Variants in PECAM1 observed in about 807,000 individuals in gnomAD.
PECAM1 encodes platelet endothelial cell adhesion molecule.
A neutral mutation model predicts 13.8 loss-of-function variants in PECAM1; 8 were observed. The ratio of observed to expected loss-of-function variants is 0.58; its 90% CI spans 0.34 to 1.05. PECAM1 has a LOEUF of 1.05. Ranked by LOEUF, PECAM1 falls within the 50% of genes least tolerant of loss-of-function variation. The pLI, the probability that PECAM1 is intolerant of heterozygous loss-of-function variation, is 0.03. For missense variants in PECAM1, 304 were observed against 141.2 expected (o/e 2.15, Z -5.84); for synonymous variants, 136 against 52.6 (o/e 2.58, Z -6.86).
chr17:64,336,706 G>A (rs1160566935), intron 14 of PECAM1, among the ~76,000 whole-genome samples: 2 of 151,854 alleles, frequency 1.3e-5, no homozygotes, highest in Non-Finnish European at 2.9e-5. Context: ...GCAACATGGC[G>A]AATTAGCTGG....
intron 4 of PECAM1, among the ~76,000 whole-genome samples, chr17:64,371,014 T>C (rs983210980): frequency 6.6e-6 from 1 of 152,196 alleles, no homozygotes; most frequent in Non-Finnish European, 1.5e-5. Context: ...AGGCATCCTT[T>C]ACATGCTTTA....
intron 7 of PECAM1, among the ~76,000 whole-genome samples, chr17:64,357,344 C>G (rs2035869141): frequency 6.6e-6 from 1 of 150,752 alleles, no homozygotes; most frequent in Non-Finnish European, 1.5e-5. Context: ...TCCTGAACTC[C>G]AAGTCTCCCT....
rs917378194 is a variant in PECAM1 at position 64,322,186 on chromosome 17, G to A, written c.*1630C>T. Reference sequence around the variant, plus strand: ...AGATCACCAAAGGTCAGGCATTCGAGATCAGCCTGGCCAACGTGGTGAAAC... The same window carrying A: ...AGATCACCAAAGGTCAGGCATTCGAAATCAGCCTGGCCAACGTGGTGAAAC... On this transcript the variant is annotated 3_prime_UTR_variant, in exon 16 of 16. Coordinates refer to ENST00000563924, the MANE Select transcript of PECAM1 (RefSeq NM_000442.5). 14 of 654,774 alleles carry A rather than the reference G, an allele frequency of 2.1e-5. No individual in the cohort carries two copies. The highest frequency in any genetic ancestry group is 2.7e-5 in the Non-Finnish European group (14 of 522,782). The allele number at this position is 654,774 out of a possible 1,614,324, so 40.6% of individuals were successfully genotyped here. A position where few individuals can be genotyped will look rare whatever the true frequency, so the allele number is the denominator to read the frequency against.
intron 6 of PECAM1, among the ~76,000 whole-genome samples, chr17:64,362,651 C>CAAAA (rs1269530817): frequency 2.2e-4 from 32 of 145,398 alleles, no homozygotes; most frequent in Admixed American, 1.1e-3. Context: ...GACTGCATCT[C>CAAAA]AAAAAAATAA....
intron 14 of PECAM1, among the ~76,000 whole-genome samples, chr17:64,332,351 G>A (rs2035146434): frequency 2.4e-5 from 3 of 122,536 alleles, no homozygotes; most frequent in South Asian, 6.1e-4. Context: ...AGTCCCCTAA[G>A]GGCTCTGGAA....
chr17:64,325,594 A>C (rs2034931819), intron 15 of PECAM1, among the ~76,000 whole-genome samples: 2 of 151,982 alleles, frequency 1.3e-5, no homozygotes, highest in Non-Finnish European at 2.9e-5. Flanking sequence ...AGAATTAGGC[A>C]TACATGGTGG....
At chr17:64,362,956 CA>C (rs1250373674) in intron 6 of PECAM1, among the ~76,000 whole-genome samples, 192 bp downstream of exon 6, 15 of 152,184 alleles carry the variant, frequency 9.9e-5, no homozygotes, top group African/African-American at 3.6e-4. Flanking sequence ...TCAGAGGCCA[CA>C]TCATCATCAG....
In PECAM1 at chr17:64,378,107, G is replaced by T. The variant is rs200425210; in HGVS notation, c.102C>A (p.Ile34=). 1.9e-5 allele frequency: 9 copies of T among 475,028 alleles called. No individual in the cohort carries two copies. The East Asian group carries it at 2.8e-4, about 15-fold the overall frequency. 29.4% of individuals were successfully genotyped at this position (475,028 alleles called of 1,614,324 possible). A position where few individuals can be genotyped will look rare whatever the true frequency, so the allele number is the denominator to read the frequency against. The change falls in exon 3 of 16, where the codon ATC becomes ATA. Residue 34 remains isoleucine (I), a synonymous_variant. Coordinates refer to ENST00000563924, the MANE Select transcript of PECAM1 (RefSeq NM_000442.5). ...GCAGGCTCTTCATGTCAACACTGTT[G>T]ATTGTGAAAGCTAAATGCAAAGGGA... The part of the protein sequence containing the change: ...SLEGQENSFT[I]NSVDMKSLPD...
chr17:64,352,890 T>C (rs2035760621), intron 10 of PECAM1, among the ~76,000 whole-genome samples: 1 of 152,132 alleles, frequency 6.6e-6, no homozygotes. Context: ...CCTCAGGTGA[T>C]CTGCCTGCCT....
intron 14 of PECAM1, among the ~76,000 whole-genome samples, chr17:64,331,721 C>T (rs2035126210): frequency 6.6e-6 from 1 of 152,206 alleles, no homozygotes; most frequent in Non-Finnish European, 1.5e-5. Flanking sequence ...GGACCAGGAC[C>T]CCACCCAATG....
At chr17:64,349,587 C>CAAAAAAAAAAAAAAAAAAAAAAAAAAA in intron 12 of PECAM1, among the ~76,000 whole-genome samples, 1 of 64,154 alleles carries the variant, frequency 1.6e-5, no homozygotes. Flanking sequence ...GACTCTGTAT[C>CAAAAAAAAAAAAAAAAAAAAAAAAAAA]AAAAAAAAAA....
At chr17:64,385,987 G>A (rs1249633880) in intron 2 of PECAM1, among the ~76,000 whole-genome samples, 3 of 152,232 alleles carry the variant, frequency 2.0e-5, no homozygotes, top group African/African-American at 7.2e-5. Flanking sequence ...GGAGGGGTGT[G>A]ACAGCACCCA....
At chr17:64,337,333 G>A (rs1210706840) in intron 14 of PECAM1, among the ~76,000 whole-genome samples, 1 of 152,192 alleles carries the variant, frequency 6.6e-6, no homozygotes, top group Non-Finnish European at 1.5e-5. Flanking sequence ...TGGTCTCGGA[G>A]TCAGGGGACT....
intron 15 of PECAM1, among the ~76,000 whole-genome samples, chr17:64,324,734 G>A (rs1207976924): frequency 5.9e-5 from 9 of 152,174 alleles, no homozygotes; most frequent in Admixed American, 5.9e-4. Context: ...TTTCAACACA[G>A]GAAAACCTTG....
At chr17:64,345,733 A>T (rs1486573454) in intron 13 of PECAM1, among the ~76,000 whole-genome samples, 2 of 145,752 alleles carry the variant, frequency 1.4e-5, no homozygotes, top group East Asian at 3.9e-4. Context: ...AAAAAAAAAA[A>T]TGAGGAAGAG....
chr17:64,349,075 A>C (rs1001726483), intron 12 of PECAM1, among the ~76,000 whole-genome samples: 1 of 152,170 alleles, frequency 6.6e-6, no homozygotes, highest in Non-Finnish European at 1.5e-5. Context: ...AGCTACCTCC[A>C]AGACTGAGAG....
At position 64,345,528 on chromosome 17, in the gene PECAM1, C is replaced by T. The variant is rs1276118759; in HGVS notation, c.2107+2732G>A. The stretch of plus-strand genomic sequence containing the variant: ...AGGAGTTGGAGACCAGCCTGGCCAA[C>T]ATGGTGAAACCCTGTCTCTACTAAA... On this transcript the variant is annotated intron_variant, in intron 13 of 15. Coordinates refer to ENST00000563924, the MANE Select transcript of PECAM1 (RefSeq NM_000442.5). Among the ~76,000 whole-genome samples the T allele has an allele frequency of 2.0e-5, 3 of 151,864 alleles. No individual in the cohort carries two copies. The South Asian group carries it at 6.2e-4, about 32-fold the overall frequency.
chr17:64,354,791 CT>C, intron 9 of PECAM1, 141 bp downstream of exon 9: 1 of 410,914 alleles, frequency 2.4e-6, no homozygotes, highest in East Asian at 3.6e-5. Flanking sequence ...CCAAATTTAT[CT>C]TTTCTGGTTT....
chr17:64,382,400 C>T (rs2036500430), intron 2 of PECAM1, among the ~76,000 whole-genome samples: 1 of 152,176 alleles, frequency 6.6e-6, no homozygotes, highest in South Asian at 2.1e-4. Context: ...GTTTGCTTAT[C>T]CATACAATAG....
Sources: allele counts gnomAD v4.1 joint callset (sites outside exome capture counted in the v4.1 genomes callset), GRCh38; gene constraint gnomAD v4.1.1; transcripts MANE v1.5; gene names NCBI Gene and HGNC (gene_info 2026-07-23, HGNC 2026-07-21).